Variants in SHANK2 observed in about 807,000 individuals in gnomAD.
SHANK2 encodes the protein SH3 and multiple ankyrin repeat domains protein 2.
In SHANK2, 43 loss-of-function variants were observed where a neutral mutation model predicts 133.7. The ratio of observed to expected loss-of-function variants is 0.32; its 90% CI spans 0.25 to 0.41. SHANK2 has a LOEUF of 0.41. SHANK2 is among the 10% of genes least tolerant of loss of function. The pLI is 1.00. For missense variants in SHANK2, 1,994 were observed against 2,235.8 expected, an observed-to-expected ratio of 0.89 and a Z score of 2.18; for synonymous variants, 1,017 against 952.8, an observed-to-expected ratio of 1.07 and a Z score of -1.24.
At chr11:70,493,267 G>A (rs1220669197) in intron 21 of SHANK2, among the ~76,000 whole-genome samples, 2 of 148,682 alleles carry the variant, frequency 1.3e-5, no homozygotes, top group African/African-American at 2.5e-5. Flanking sequence ...CCAAGGCAGC[G>A]TGGGTGTTTC....
intron 17 of SHANK2, among the ~76,000 whole-genome samples, chr11:70,650,827 C>T (rs1555009935): frequency 6.6e-6 from 1 of 152,212 alleles, no homozygotes; most frequent in Non-Finnish European, 1.5e-5. Flanking sequence ...TTGCCTACCC[C>T]TTCTAGACTG....
At chr11:70,559,723 C>T (rs1178856600) in intron 17 of SHANK2, among the ~76,000 whole-genome samples, 3 of 152,064 alleles carry the variant, frequency 2.0e-5, no homozygotes, top group Non-Finnish European at 4.4e-5. Flanking sequence ...GCATCGTAAC[C>T]TCTCCCCAAA....
rs782290609 is a variant in SHANK2 at position 70,492,427 on chromosome 11, G to A, written c.2347C>T (p.Arg783Cys). 9 of 1,613,980 alleles carry A rather than the reference G, an allele frequency of 5.6e-6. No individual in the cohort carries two copies. Among genetic ancestry groups the A allele is most frequent in the Admixed American group, 5.0e-5 (3 of 60,030 alleles). ...TCCACAGCCATGTTCTCAGCAGCGC[G>A]GGAGGGCTTGGAGGCCGGGACTATC... is the stretch of plus-strand genomic sequence containing the variant. ...EEIVPASKPS[R>C]AAENMAVEPR... Residue 783 changes from arginine to cysteine, a missense_variant, in exon 22 of 26, where the codon CGC becomes TGC. Physicochemically the swap from Arg to Cys is radical, Grantham distance 180. Around this residue, in one of 5 missense-constraint regions of SHANK2, gnomAD observed 488 missense variants for 642.6 expected, o/e 0.76. Coordinates refer to ENST00000601538, the MANE Select transcript of SHANK2 (RefSeq NM_012309.5).
At chr11:70,881,852 C>T (rs1180101112) in intron 11 of SHANK2, among the ~76,000 whole-genome samples, 1 of 151,928 alleles carries the variant, frequency 6.6e-6, no homozygotes, top group Non-Finnish European at 1.5e-5. Flanking sequence ...GATGCTCCCA[C>T]CTCAGCCTCC....
intron 17 of SHANK2, among the ~76,000 whole-genome samples, chr11:70,614,986 A>T (rs2060718739): frequency 6.6e-6 from 1 of 152,210 alleles, no homozygotes; most frequent in South Asian, 2.1e-4. Context: ...GGTTAACTGG[A>T]AAGGCAAAAG....
intron 6 of SHANK2, among the ~76,000 whole-genome samples, chr11:71,096,164 G>T (rs893907232): frequency 6.6e-6 from 1 of 152,206 alleles, no homozygotes; most frequent in African/African-American, 2.4e-5. Context: ...AACTAGGAAC[G>T]ATGTTCTCAT....
intron 10 of SHANK2, among the ~76,000 whole-genome samples, chr11:70,944,956 G>A (rs936926965): frequency 6.6e-6 from 1 of 152,118 alleles, no homozygotes; most frequent in African/African-American, 2.4e-5. Context: ...TTCTCTTACT[G>A]CACTGAGGAT....
intron 21 of SHANK2, among the ~76,000 whole-genome samples, chr11:70,499,389 G>A (rs549516207): frequency 6.6e-5 from 10 of 152,352 alleles, no homozygotes; most frequent in Non-Finnish European, 1.0e-4. Flanking sequence ...ATGCCACCCT[G>A]GGGGAGGAGG....
intron 10 of SHANK2, among the ~76,000 whole-genome samples, chr11:70,920,766 C>T (rs940352045): frequency 2.0e-5 from 3 of 152,162 alleles, no homozygotes; most frequent in Non-Finnish European, 2.9e-5. Flanking sequence ...ATTTTTTGTG[C>T]ATGGTAGAAT....
intron 1 of SHANK2, among the ~76,000 whole-genome samples, chr11:71,229,553 G>C (rs183172178): frequency 1.3e-5 from 2 of 152,130 alleles, no homozygotes; most frequent in East Asian, 1.9e-4. Flanking sequence ...GGTGGATCAC[G>C]AGGTCAGTAG....
chr11:70,947,826 C>T (rs1950770070), intron 10 of SHANK2, among the ~76,000 whole-genome samples: 1 of 152,184 alleles, frequency 6.6e-6, no homozygotes, highest in African/African-American at 2.4e-5. Context: ...TCCAGGATAG[C>T]ATCTGGGTGG....
chr11:71,204,798 T>C (rs1249874708), intron 2 of SHANK2, among the ~76,000 whole-genome samples: 2 of 152,108 alleles, frequency 1.3e-5, no homozygotes, highest in Non-Finnish European at 2.9e-5. Flanking sequence ...AGACAAGTCC[T>C]GGGAAGGGGG....
intron 2 of SHANK2, among the ~76,000 whole-genome samples, chr11:71,171,695 C>T (rs1208548859): frequency 6.6e-6 from 1 of 152,166 alleles, no homozygotes; most frequent in African/African-American, 2.4e-5. Context: ...TGCTAATCCC[C>T]TCCAGAAACC....
intron 14 of SHANK2, among the ~76,000 whole-genome samples, chr11:70,772,501 C>T (rs1555043101): frequency 6.6e-6 from 1 of 151,908 alleles, no homozygotes; most frequent in Non-Finnish European, 1.5e-5. Flanking sequence ...AGGCCATCCT[C>T]ACATATGCCT....
At chr11:70,785,826 A>G (rs1279241298) in intron 14 of SHANK2, among the ~76,000 whole-genome samples, 1 of 152,126 alleles carries the variant, frequency 6.6e-6, no homozygotes, top group Non-Finnish European at 1.5e-5. Context: ...GCCCAAACAA[A>G]AGCCGAGATT....
rs536559170 is a variant in SHANK2 at position 70,808,514 on chromosome 11, A to G, written c.1494-1343T>C. On this transcript the variant is annotated intron_variant, in intron 12 of 25. Coordinates refer to ENST00000601538, the MANE Select transcript of SHANK2 (RefSeq NM_012309.5). Reference sequence around the variant, plus strand: ...ACCGCACCTGGCCTATTTTGCCACTATTTTAAAAAAGACTAGCCTGGGCAA... The same window carrying G: ...ACCGCACCTGGCCTATTTTGCCACTGTTTTAAAAAAGACTAGCCTGGGCAA... Among the ~76,000 whole-genome samples the G allele has an allele frequency of 1.6e-3, 200 of 127,818 alleles. 3 individuals carry two copies. The highest frequency in any genetic ancestry group is 5.5e-3 in the African/African-American group (190 of 34,586). The allele number at this position is 127,818 out of a possible 152,430, so 83.9% of individuals were successfully genotyped here. A position where few individuals can be genotyped will look rare whatever the true frequency, so the allele number is the denominator to read the frequency against.
rs1555158608 is a variant in SHANK2 at position 70,501,903 on chromosome 11, G to A, written c.2287+20C>T. The stretch of plus-strand genomic sequence containing the variant: ...AGACAGCAGGGGGAGCTGCTTTGGG[G>A]ACCCAGTGGGGCTGCTTACCTTTAT... On this transcript the variant is annotated intron_variant, in intron 20 of 25. Transcript: ENST00000601538. The A allele has an allele frequency of 6.4e-7, 1 of 1,559,690 alleles. No individual in the cohort carries two copies. Among genetic ancestry groups the A allele is most frequent in the Non-Finnish European group, 8.7e-7 (1 of 1,151,000 alleles).
At chr11:70,846,464 CT>C (rs1948999122) in intron 11 of SHANK2, among the ~76,000 whole-genome samples, 1 of 152,042 alleles carries the variant, frequency 6.6e-6, no homozygotes, top group Non-Finnish European at 1.5e-5. Context: ...GAGATGGGGC[CT>C]TGCTATGTTG....
intron 14 of SHANK2, among the ~76,000 whole-genome samples, chr11:70,778,296 G>C (rs1409568292): frequency 6.6e-6 from 1 of 152,200 alleles, no homozygotes; most frequent in African/African-American, 2.4e-5. Context: ...CTCTGCCTTC[G>C]GCTCACACAA....
Sources: gnomAD v4.1 joint callset for allele counts (sites outside exome capture counted in the v4.1 genomes callset) on GRCh38, gnomAD v4.1.1 for gene constraint, gnomAD v4.1.1 regional missense constraint, MANE v1.5 for transcripts, NCBI Gene and HGNC (gene_info 2026-07-23, HGNC 2026-07-21) for gene names.